Variants in TEX36 observed in about 807,000 individuals in gnomAD.
The protein encoded by TEX36 is testis-expressed protein 36.
In TEX36, 12 loss-of-function variants were observed where a neutral mutation model predicts 13.6. That is an observed-to-expected ratio of 0.88 (90% CI 0.56 to 1.43). The LOEUF is 1.43. Ranked by LOEUF, TEX36 falls within the 40% of genes most tolerant of loss-of-function variation. The pLI, the probability that TEX36 is intolerant of heterozygous loss-of-function variation, is 0.00. For missense variants in TEX36, 224 were observed against 228.3 expected, an observed-to-expected ratio of 0.98 and a Z score of 0.12; for synonymous variants, 93 against 83.0, an observed-to-expected ratio of 1.12 and a Z score of -0.65.
At chr10:125,599,960 G>A (rs2133540983) in intron 3 of TEX36, among the ~76,000 whole-genome samples, 1 of 152,258 alleles carries the variant, frequency 6.6e-6, no homozygotes, top group East Asian at 1.9e-4. Flanking sequence ...CGGGATCCAT[G>A]CTGTCCTGAG....
chr10:125,613,114 C>T (rs1236303307), intron 3 of TEX36, among the ~76,000 whole-genome samples: 2 of 151,630 alleles, frequency 1.3e-5, no homozygotes, highest in East Asian at 1.9e-4. Flanking sequence ...TGAGGTGCCC[C>T]GCCCGACTGT....
At position 125,604,356 on chromosome 10, in the gene TEX36, T is replaced by G. The variant is rs147344869; in HGVS notation, c.265-27482A>C. On this transcript the variant is annotated intron_variant, in intron 3 of 3. Coordinates refer to the TEX36 transcript ENST00000532135. ...CACAAACCCTATTGTGAACTGTGCA[T>G]GCAAGGGACTAATTTGCACGCTCCT... Among the ~76,000 whole-genome samples, 287 of 152,298 alleles carry G rather than the reference T, an allele frequency of 1.9e-3. 1 individual carries two copies. The highest frequency in any genetic ancestry group is 6.6e-3 in the African/African-American group (276 of 41,560).
chr10:125,681,244 C>T (rs1847387635), intron 1 of TEX36, among the ~76,000 whole-genome samples: 1 of 152,224 alleles, frequency 6.6e-6, no homozygotes, highest in Admixed American at 6.5e-5. Context: ...CTGCTGATGA[C>T]TCCCTTGAGC....
downstream of TEX36, among the ~76,000 whole-genome samples, chr10:125,653,188 G>A (rs1286546061): frequency 3.9e-5 from 6 of 152,208 alleles, no homozygotes; most frequent in South Asian, 2.1e-4. Context: ...ACATGCACAC[G>A]TATGTTTATT....
chr10:125,651,848 C>T (rs1204836740), downstream of TEX36, among the ~76,000 whole-genome samples: 1 of 152,162 alleles, frequency 6.6e-6, no homozygotes, highest in Non-Finnish European at 1.5e-5. Context: ...TCCTATACAT[C>T]AATAACACAA....
Position 125,682,958 on chromosome 10 carries a change from G to A in TEX36, c.32C>T (p.Ser11Leu). 1 of 1,551,764 alleles carries A rather than the reference G, an allele frequency of 6.4e-7. No homozygotes were observed. The highest frequency in any genetic ancestry group is 8.7e-7 in the Non-Finnish European group (1 of 1,146,998). ...CCTTACCCATCTCCCATCCTTGTCT[G>A]AAGGTGGGTTGAAGCGTCGCCCTTT... MTKGRRFNPP[S>L]DKDGRWFPHI... The change falls in exon 1 of 4, where the codon TCA becomes TTA. Residue 11 changes from serine (S) to leucine (L), a missense_variant. Physicochemically the swap from Ser to Leu is moderately radical, Grantham distance 145. Transcript: ENST00000368821.
chr10:125,663,840 T>C (rs893567928), intron 1 of TEX36, among the ~76,000 whole-genome samples: 2 of 152,234 alleles, frequency 1.3e-5, no homozygotes, highest in Admixed American at 1.3e-4. Context: ...GCATTTATCA[T>C]TTCTTTGTGT....
intron 3 of TEX36, among the ~76,000 whole-genome samples, chr10:125,608,223 A>G (rs1846238774): frequency 6.6e-6 from 1 of 152,112 alleles, no homozygotes; most frequent in Non-Finnish European, 1.5e-5. Context: ...AACCACCCCA[A>G]AGCTTGGGTC....
chr10:125,613,771 T>C (rs1374954213), intron 3 of TEX36, among the ~76,000 whole-genome samples: 1 of 152,096 alleles, frequency 6.6e-6, no homozygotes, highest in Non-Finnish European at 1.5e-5. Flanking sequence ...AGCAGCATGA[T>C]TTATAGTCCT....
At chr10:125,614,060 T>C (rs1474986843) in intron 3 of TEX36, among the ~76,000 whole-genome samples, 1 of 152,254 alleles carries the variant, frequency 6.6e-6, no homozygotes, top group Non-Finnish European at 1.5e-5. Flanking sequence ...CACGTGTCTT[T>C]TGGCTGCATA....
rs1238918155 is a variant in TEX36 at position 125,655,850 on chromosome 10, T to A, written c.*50A>T. ...TCAGAAAACATATACTTTTAGGATG[T>A]CTGATGAAATACCAGTATTACAAAA... On this transcript the variant is annotated 3_prime_UTR_variant, in exon 4 of 4. Coordinates refer to ENST00000368821, the MANE Select transcript of TEX36 (RefSeq NM_001128202.3). 9 of 1,439,398 alleles carry A rather than the reference T, an allele frequency of 6.3e-6. No individual in the cohort carries two copies. The highest frequency in any genetic ancestry group is 8.2e-6 in the Non-Finnish European group (9 of 1,092,438). 89.2% of individuals were successfully genotyped at this position (1,439,398 alleles called of 1,614,324 possible).
chr10:125,587,255 C>T (rs1265656195), intron 3 of TEX36, among the ~76,000 whole-genome samples: 1 of 152,084 alleles, frequency 6.6e-6, no homozygotes, highest in Non-Finnish European at 1.5e-5. Flanking sequence ...CTCAGAGGCT[C>T]AGGCAGGTGA....
intron 3 of TEX36, among the ~76,000 whole-genome samples, chr10:125,633,278 A>G (rs2133568892): frequency 6.6e-6 from 1 of 152,336 alleles, no homozygotes. Context: ...AATGGTGGCA[A>G]CTTTGGAAAT....
intron 3 of TEX36, among the ~76,000 whole-genome samples, chr10:125,611,480 G>A (rs1846289370): frequency 6.6e-6 from 1 of 152,140 alleles, no homozygotes; most frequent in South Asian, 2.1e-4. Context: ...TTTTTTAGAT[G>A]TTTATTGGCC....
At chr10:125,608,510 G>A (rs1401347416) in intron 3 of TEX36, among the ~76,000 whole-genome samples, 3 of 152,212 alleles carry the variant, frequency 2.0e-5, no homozygotes, top group African/African-American at 4.8e-5. Context: ...TGGGACCTCA[G>A]CTGGGAAGAC....
At chr10:125,635,960 A>C (rs1846619222) in intron 3 of TEX36, among the ~76,000 whole-genome samples, 1 of 151,950 alleles carries the variant, frequency 6.6e-6, no homozygotes, top group African/African-American at 2.4e-5. Context: ...TGCAGCCTCA[A>C]CTTCCTGGGC....
At chr10:125,630,265 G>A (rs1015736490) in intron 3 of TEX36, among the ~76,000 whole-genome samples, 28 of 152,130 alleles carry the variant, frequency 1.8e-4, no homozygotes, top group Non-Finnish European at 3.8e-4. Flanking sequence ...TCCATTCTCC[G>A]AGTCAGGAAT....
intron 3 of TEX36, among the ~76,000 whole-genome samples, chr10:125,646,140 C>T (rs556401328): frequency 9.9e-5 from 15 of 152,144 alleles, no homozygotes; most frequent in East Asian, 7.7e-4. Context: ...ACCATCTGGG[C>T]AACATGGTGA....
chr10:125,580,075 G>A (rs936902910), intron 3 of TEX36, among the ~76,000 whole-genome samples: 6 of 152,226 alleles, frequency 3.9e-5, no homozygotes, highest in Admixed American at 2.6e-4. Flanking sequence ...AAATGAACAT[G>A]CAGCTCTGAA....
Sources: allele counts gnomAD v4.1 joint callset (sites outside exome capture counted in the v4.1 genomes callset), GRCh38; gene constraint gnomAD v4.1.1; transcripts MANE v1.5; gene names NCBI Gene and HGNC (gene_info 2026-07-23, HGNC 2026-07-21).